Variants in KLHL5 observed in about 807,000 individuals in gnomAD.
KLHL5 encodes the protein kelch-like protein 5.
In KLHL5, 48 loss-of-function variants were observed where a neutral mutation model predicts 77.7. The ratio of observed to expected loss-of-function variants is 0.62; its 90% CI spans 0.49 to 0.79. The LOEUF (loss-of-function observed/expected upper bound fraction) is 0.79. Among genes scored for constraint, KLHL5 ranks in the 30% least tolerant of loss-of-function variants. The probability of loss-of-function intolerance (pLI) is 0.00; values close to 1 mark genes in which losing one functional copy is unlikely to be tolerated. For missense variants in KLHL5, 723 were observed against 859.7 expected (o/e 0.84, Z 1.99); for synonymous variants, 260 against 297.0 (o/e 0.88, Z 1.28).
At chr4:39,071,202 T>A (rs571126224) in intron 1 of KLHL5, among the ~76,000 whole-genome samples, 6 of 152,230 alleles carry the variant, frequency 3.9e-5, no homozygotes, top group African/African-American at 1.4e-4. Flanking sequence ...CCTAGCAACT[T>A]GTAGTTTTGA....
At chr4:39,101,843 C>A (rs1393922106) in intron 6 of KLHL5, among the ~76,000 whole-genome samples, 1 of 84,334 alleles carries the variant, frequency 1.2e-5, no homozygotes, top group Non-Finnish European at 2.4e-5. Flanking sequence ...AACAGTCTGT[C>A]TCAAAAAAAA....
chr4:39,101,558 G>C (rs998164320), intron 6 of KLHL5, among the ~76,000 whole-genome samples: 1 of 152,004 alleles, frequency 6.6e-6, no homozygotes, highest in African/African-American at 2.4e-5. Flanking sequence ...GAAAAATACA[G>C]AGGTAAAGGC....
chr4:39,057,616 G>A (rs149109366), upstream of KLHL5, among the ~76,000 whole-genome samples: 1 of 152,098 alleles, frequency 6.6e-6, no homozygotes, highest in African/African-American at 2.4e-5. Flanking sequence ...AAGTATCCCT[G>A]AATTATTAAA....
chr4:39,111,446 C>T (rs749463526), intron 8 of KLHL5, among the ~76,000 whole-genome samples: 1 of 152,106 alleles, frequency 6.6e-6, no homozygotes, highest in Non-Finnish European at 1.5e-5. Flanking sequence ...TAAAGTCCCA[C>T]GAATCCACTG....
intron 1 of KLHL5, among the ~76,000 whole-genome samples, chr4:39,065,634 G>A (rs1304080549): frequency 8.6e-5 from 13 of 152,002 alleles, no homozygotes; most frequent in East Asian, 1.9e-4. Context: ...GATTACAGGC[G>A]TGAGCCACCA....
intron 8 of KLHL5, among the ~76,000 whole-genome samples, chr4:39,112,379 C>G (rs2109571619): frequency 6.6e-6 from 1 of 152,208 alleles, no homozygotes; most frequent in East Asian, 1.9e-4. Context: ...TATTTTTATT[C>G]TCCTATTTCA....
At chr4:39,107,156 T>C (rs1026412226) in intron 7 of KLHL5, among the ~76,000 whole-genome samples, 1 of 151,542 alleles carries the variant, frequency 6.6e-6, no homozygotes. Flanking sequence ...CAAGCGATCC[T>C]CCTGCCTCAG....
intron 2 of KLHL5, among the ~76,000 whole-genome samples, chr4:39,078,895 GAAATAAA>G (rs763023255): frequency 2.6e-5 from 3 of 116,590 alleles, no homozygotes; most frequent in East Asian, 2.6e-4. Context: ...AAAACCTACT[GAAATAAA>G]AAATAAAAAA....
At chr4:39,074,360 T>C (rs779725170) in intron 1 of KLHL5, among the ~76,000 whole-genome samples, 7 of 152,232 alleles carry the variant, frequency 4.6e-5, no homozygotes, top group Non-Finnish European at 8.8e-5. Flanking sequence ...CTTAGTTCAA[T>C]GTGAGTGTTC....
intron 2 of KLHL5, among the ~76,000 whole-genome samples, chr4:39,077,461 C>CAA (rs112918932): frequency 3.8e-4 from 54 of 143,418 alleles, no homozygotes; most frequent in African/African-American, 1.0e-3. Flanking sequence ...GACTCCGTCT[C>CAA]AAAAAAAAAA....
chr4:39,076,107 G>A lies in KLHL5; in HGVS notation c.526G>A (p.Val176Ile), dbSNP rs1200750392. Residue 176 changes from valine to isoleucine, a missense_variant, in exon 2 of 11, where the codon GTA becomes ATA. Val to Ile is a conservative substitution (Grantham distance 29). Coordinates refer to ENST00000504108, the MANE Select transcript of KLHL5 (RefSeq NM_015990.5). ...TTTGAGACATAAACAGTTGTGTGAT[G>A]TAATTTTAGTCGCTGGTGATCGCAG... ...NYLRHKQLCD[V>I]ILVAGDRRIP... is the part of the protein sequence containing the mutation. 3 of 1,606,296 alleles carry A rather than the reference G, an allele frequency of 1.9e-6. No individual in the cohort carries two copies. Among genetic ancestry groups the A allele is most frequent in the Non-Finnish European group, 2.5e-6 (3 of 1,178,148 alleles).
chr4:39,105,567 A>G (rs1721957862), intron 7 of KLHL5, among the ~76,000 whole-genome samples: 1 of 151,764 alleles, frequency 6.6e-6, no homozygotes, highest in Non-Finnish European at 1.5e-5. Flanking sequence ...TTAGAGATAT[A>G]CATATATCAT....
At chr4:39,114,052 C>T (rs909437885) in intron 9 of KLHL5, among the ~76,000 whole-genome samples, 4 of 151,918 alleles carry the variant, frequency 2.6e-5, no homozygotes, top group Non-Finnish European at 5.9e-5. Flanking sequence ...TGTAAGTGAC[C>T]AAGTGACCAT....
the KLHL5 span, among the ~76,000 whole-genome samples, chr4:39,139,008 G>A: frequency 1.3e-4 from 20 of 152,104 alleles, no homozygotes; most frequent in Non-Finnish European, 2.4e-4. Context: ...TCAGCTGGGC[G>A]TGGTGGCTCA....
intron 6 of KLHL5, among the ~76,000 whole-genome samples, chr4:39,098,027 G>C (rs906218241): frequency 6.6e-6 from 1 of 151,136 alleles, no homozygotes; most frequent in African/African-American, 2.4e-5. Context: ...CCAGCTACAC[G>C]TGGGAGGCTG....
At chr4:39,102,837 A>G (rs1434505171) in intron 6 of KLHL5, among the ~76,000 whole-genome samples, 1 of 152,182 alleles carries the variant, frequency 6.6e-6, no homozygotes, top group Non-Finnish European at 1.5e-5. Context: ...TCACGTCTCA[A>G]CCACTCAATA....
rs1723326486 is a variant in KLHL5 at position 39,123,198 on chromosome 4, C to G, written c.*2132C>G. ...ATAAAAAATCCAAACAGACCTGTAA[C>G]AAGTAAAGAGATTGAACCAGTAATC... On this transcript the variant is annotated 3_prime_UTR_variant, in exon 11 of 11. Transcript: ENST00000504108. 6.6e-6 allele frequency among the ~76,000 whole-genome samples: 1 copy of G among 152,076 alleles called. No individual in the cohort carries two copies. Among genetic ancestry groups the G allele is most frequent in the South Asian group, 2.1e-4 (1 of 4,822 alleles).
intron 5 of KLHL5, among the ~76,000 whole-genome samples, chr4:39,091,908 C>T (rs1267042112): frequency 8.2e-6 from 1 of 122,228 alleles, no homozygotes; most frequent in Non-Finnish European, 1.6e-5. Context: ...CTCTCTCAAA[C>T]TCCTGGCCTC....
Position 39,124,236 on chromosome 4 carries a change from A to G in KLHL5, c.*3170A>G, listed in dbSNP as rs1322528263. Among the ~76,000 whole-genome samples, 1 of 152,168 alleles carries G rather than the reference A, an allele frequency of 6.6e-6. No homozygotes were observed. ...ACATTGTTAAGATGGCATTACTCCC[A>G]AAATTAGTCTATAGATTTAATACAA... On this transcript the variant is annotated 3_prime_UTR_variant, in exon 11 of 11. Transcript: ENST00000504108.
Sources: gnomAD v4.1 joint callset for allele counts (sites outside exome capture counted in the v4.1 genomes callset) on GRCh38, gnomAD v4.1.1 for gene constraint, MANE v1.5 for transcripts, NCBI Gene and HGNC (gene_info 2026-07-23, HGNC 2026-07-21) for gene names.